The following BTBD1 variants were observed in gnomAD, a reference collection of about 807,000 sequenced individuals.
The protein encoded by BTBD1 is BTB domain containing 1.
In BTBD1, 34 loss-of-function variants were observed where a neutral mutation model predicts 48.0. The observed-to-expected ratio is 0.71, with a 90% CI of 0.54 to 0.94. BTBD1 has a LOEUF of 0.94. BTBD1 is among the 40% of genes least tolerant of loss of function. The pLI is 0.00. For synonymous variants in BTBD1, 261 were observed against 242.1 expected (o/e 1.08, Z -0.72); for missense variants, 543 against 625.6 (o/e 0.87, Z 1.41).
In BTBD1 at chr15:83,051,904, A is replaced by ACACACACACACACC. The variant is rs61375537; in HGVS notation, c.559-1727_559-1726insGGTGTGTGTGTGTG. On this transcript the variant is annotated intron_variant, in intron 2 of 7. Transcript: ENST00000261721. ...CACACACACACACACACACACACAC[A>ACACACACACACACC]TCTATCTGGGAGGAGAGACTAAACT... Among the ~76,000 whole-genome samples the ACACACACACACACC allele has an allele frequency of 8.7e-5, 13 of 149,996 alleles. No individual in the cohort carries two copies. The South Asian group carries it at 1.5e-3, about 17-fold the overall frequency.
intron 4 of BTBD1, 110 bp from the exon 5 acceptor site, chr15:83,030,438 G>T: frequency 1.2e-6 from 1 of 851,270 alleles, no homozygotes; most frequent in Non-Finnish European, 1.8e-6. Context: ...AAAAATAGGG[G>T]AAAAAAATCT....
intron 2 of BTBD1, among the ~76,000 whole-genome samples, chr15:83,055,324 C>T (rs2033064731): frequency 6.6e-6 from 1 of 152,230 alleles, no homozygotes; most frequent in Non-Finnish European, 1.5e-5. Context: ...ATGGCGCAAT[C>T]TCGGCTCACT....
chr15:83,037,255 T>C (rs1210821536), intron 4 of BTBD1, among the ~76,000 whole-genome samples: 1 of 152,002 alleles, frequency 6.6e-6, no homozygotes. Context: ...CCAATAAGCA[T>C]AATGAAATAC....
intron 1 of BTBD1, among the ~76,000 whole-genome samples, chr15:83,057,218 AAC>A (rs368824016): frequency 3.9e-5 from 6 of 152,326 alleles, no homozygotes; most frequent in African/African-American, 1.4e-4. Context: ...TGTTTACCAT[AAC>A]ACACCATTTC....
chr15:83,064,559 A>G (rs900674356), intron 1 of BTBD1, among the ~76,000 whole-genome samples: 1 of 152,138 alleles, frequency 6.6e-6, no homozygotes, highest in Non-Finnish European at 1.5e-5. Flanking sequence ...AGTAATCTCA[A>G]TATTTTTTCA....
At chr15:83,042,374 A>G (rs945865192) in intron 3 of BTBD1, among the ~76,000 whole-genome samples, 3 of 121,978 alleles carry the variant, frequency 2.5e-5, no homozygotes, top group African/African-American at 6.4e-5. Flanking sequence ...ATATATATAT[A>G]TATGTATGTA....
At chr15:83,065,251 GTT>G (rs1435853765) in intron 1 of BTBD1, among the ~76,000 whole-genome samples, 2 of 152,186 alleles carry the variant, frequency 1.3e-5, no homozygotes, top group Non-Finnish European at 1.5e-5. Flanking sequence ...TTCCAAAAGG[GTT>G]TTTACCACCA....
chr15:83,020,510 T>C (rs2030976270), intron 6 of BTBD1, 165 bp downstream of exon 6: 2 of 509,344 alleles, frequency 3.9e-6, no homozygotes, highest in Non-Finnish European at 6.8e-6. Flanking sequence ...AACCAGACTT[T>C]TTAGATCAAC....
At position 83,048,721 on chromosome 15, in the gene BTBD1, CAA is replaced by C. The variant is rs572060476; in HGVS notation, c.664+1350_664+1351del. 4.1e-3 allele frequency among the ~76,000 whole-genome samples: 624 copies of C among 152,266 alleles called. 3 individuals are homozygous for C. Among genetic ancestry groups the C allele is most frequent in the Middle Eastern group, 0.024 (7 of 294 alleles). ...TTTACCATGAGCTAACTGATAGAAACAAGAGTTAAGTTCCTATGGCATATTTC... is the reference window on the plus strand; with the variant it reads ...TTTACCATGAGCTAACTGATAGAAACGAGTTAAGTTCCTATGGCATATTTC... On this transcript the variant is annotated intron_variant, in intron 3 of 7. Coordinates refer to ENST00000261721, the MANE Select transcript of BTBD1 (RefSeq NM_025238.4).
intron 1 of BTBD1, among the ~76,000 whole-genome samples, chr15:83,059,965 C>T (rs1474382674): frequency 1.3e-5 from 2 of 152,154 alleles, no homozygotes; most frequent in African/African-American, 4.8e-5. Flanking sequence ...TCTTATAAGA[C>T]ATTTTAAGTT....
intron 5 of BTBD1, among the ~76,000 whole-genome samples, chr15:83,025,574 G>A (rs1347787875): frequency 6.6e-6 from 1 of 151,662 alleles, no homozygotes; most frequent in Admixed American, 6.6e-5. Flanking sequence ...TTAATATTAT[G>A]TTACTGTTAT....
At chr15:83,021,171 C>T (rs2032286685) in intron 5 of BTBD1, among the ~76,000 whole-genome samples, 1 of 152,188 alleles carries the variant, frequency 6.6e-6, no homozygotes, top group Non-Finnish European at 1.5e-5. Flanking sequence ...CTAGGCTTGG[C>T]ACTGCGGAAG....
In BTBD1 at chr15:83,034,191, G is replaced by A. The variant is rs1282505779; in HGVS notation, c.863-3863C>T. Among the ~76,000 whole-genome samples, 3 of 151,896 alleles carry A rather than the reference G, an allele frequency of 2.0e-5. No individual in the cohort carries two copies. In the East Asian group the frequency reaches 5.8e-4, roughly 29 times the overall value. ...ATATTCCAAATAAAAGGCAAAGTCT[G>A]TCAGACTGAATTTTTTAAAAATGAA... On this transcript the variant is annotated intron_variant, in intron 4 of 7. Transcript: ENST00000261721.
intron 5 of BTBD1, chr15:83,024,165 C>G (rs926319901): frequency 6.6e-6 from 1 of 152,182 alleles, no homozygotes; most frequent in East Asian, 1.9e-4. Flanking sequence ...CTCACCATGC[C>G]CAGCCTATTT....
chr15:83,050,156 T>C lies in BTBD1; in HGVS notation c.581A>G (p.Gln194Arg). 2 of 1,612,612 alleles carry C rather than the reference T, an allele frequency of 1.2e-6. No individual in the cohort carries two copies. The stretch of plus-strand genomic sequence containing the variant: ...TGTATCTAGACAAAGACTAGCAAGC[T>C]GAGGTTCATCAAATAATCGAGCCTA... ...LTQARLFDEP[Q>R]LASLCLDTID... Residue 194 changes from glutamine to arginine, a missense_variant, in exon 3 of 8, where the codon CAG (glutamine) becomes CGG (arginine). Around this residue, in one of 3 missense-constraint regions of BTBD1, gnomAD observed 300 missense variants for 350.0 expected, o/e 0.86. Coordinates refer to ENST00000261721, the MANE Select transcript of BTBD1 (RefSeq NM_025238.4).
chr15:83,046,417 ACAG>A (rs1426246271), intron 3 of BTBD1, among the ~76,000 whole-genome samples: 2 of 152,230 alleles, frequency 1.3e-5, no homozygotes, highest in African/African-American at 4.8e-5. Flanking sequence ...TCAGAAAAAC[ACAG>A]CAGATTGTTT....
chr15:83,050,267 T>C (rs1166924718), intron 2 of BTBD1, 89 bp from the exon 3 acceptor site: 2 of 671,372 alleles, frequency 3.0e-6, no homozygotes, highest in African/African-American at 3.6e-5. Flanking sequence ...TCAACAGTTA[T>C]AATTGCTAAT....
At chr15:83,040,005 A>G (rs1283903291) in intron 4 of BTBD1, among the ~76,000 whole-genome samples, 2 of 150,286 alleles carry the variant, frequency 1.3e-5, no homozygotes, top group Admixed American at 1.3e-4. Flanking sequence ...ACACACACAC[A>G]CACACACACA....
intron 2 of BTBD1, among the ~76,000 whole-genome samples, chr15:83,052,137 AAT>A (rs2032999705): frequency 6.6e-6 from 1 of 152,022 alleles, no homozygotes; most frequent in African/African-American, 2.4e-5. Flanking sequence ...TTGAATTTTT[AAT>A]AGAGACAGGG....
Sources: gnomAD v4.1 joint callset for allele counts (sites outside exome capture counted in the v4.1 genomes callset) on GRCh38, gnomAD v4.1.1 for gene constraint, gnomAD v4.1.1 regional missense constraint, MANE v1.5 for transcripts, NCBI Gene and HGNC (gene_info 2026-07-23, HGNC 2026-07-21) for gene names.